The following CR1 variants were observed in gnomAD, a reference collection of about 807,000 sequenced individuals.
CR1 encodes complement receptor type 1.
Under a neutral mutation model 187.3 loss-of-function variants are expected in CR1, and 116 were observed. The ratio of observed to expected loss-of-function variants is 0.62; its 90% CI spans 0.53 to 0.72. The LOEUF is 0.72. Ranked by LOEUF, CR1 falls within the 30% of genes least tolerant of loss-of-function variation. The pLI is 0.00. For missense variants in CR1, 1,731 were observed against 2,110.7 expected (o/e 0.82, Z 3.52); for synonymous variants, 576 against 747.1 (o/e 0.77, Z 3.73).
intron 2 of CR1, among the ~76,000 whole-genome samples, chr1:207,506,366 T>C (rs1207531315): frequency 6.6e-6 from 1 of 152,230 alleles, no homozygotes; most frequent in Non-Finnish European, 1.5e-5. Context: ...AAGTAATGAA[T>C]GACTTGGGAC....
intron 4 of CR1, among the ~76,000 whole-genome samples, chr1:207,523,238 T>C (rs969754044): frequency 2.0e-5 from 3 of 152,226 alleles, no homozygotes; most frequent in African/African-American, 7.2e-5. Flanking sequence ...CAAATGTTTT[T>C]GTATTTTATT....
At chr1:207,597,478 A>G (rs1450005954) in intron 35 of CR1, among the ~76,000 whole-genome samples, 1 of 152,244 alleles carries the variant, frequency 6.6e-6, no homozygotes, top group African/African-American at 2.4e-5. Context: ...CAAATGCCCA[A>G]TAAACACATC....
rs778265753 is a variant in CR1, at chr1:207,496,428, G to T, written c.121+40G>T. The T allele has an allele frequency of 9.6e-6, 15 of 1,565,232 alleles. No individual in the cohort carries two copies. The South Asian group carries it at 1.7e-4, about 18-fold the overall frequency. On this transcript the variant is annotated intron_variant, in intron 1 of 46. Transcript: ENST00000367049. ...GGCGTGGGGAGGCGCCCGGGCGGAC[G>T]AGGAACCCGGGGCCCCGCAGAGAAC...
At chr1:207,589,077 G>A (rs191346421) in intron 35 of CR1, among the ~76,000 whole-genome samples, 384 of 152,180 alleles carry the variant, frequency 2.5e-3, no homozygotes, top group Non-Finnish European at 3.6e-3. Flanking sequence ...TAAGGAAAAG[G>A]AAAAAAGGTA....
At chr1:207,619,050 A>AAAAAAG (rs1662232898) in intron 42 of CR1, among the ~76,000 whole-genome samples, 6 of 139,118 alleles carry the variant, frequency 4.3e-5, no homozygotes, top group African/African-American at 5.2e-5. Context: ...AAAAAAAAAA[A>AAAAAAG]AAAAAGAAAA....
intron 4 of CR1, among the ~76,000 whole-genome samples, chr1:207,513,749 T>TCCCC (rs1398760238): frequency 1.4e-5 from 1 of 69,482 alleles, no homozygotes; most frequent in Non-Finnish European, 2.6e-5. Context: ...CCTCCCTCCC[T>TCCCC]CCCTCCCTCC....
intron 1 of CR1, among the ~76,000 whole-genome samples, chr1:207,498,626 C>A (rs1482023822): frequency 6.6e-6 from 1 of 151,966 alleles, no homozygotes; most frequent in African/African-American, 2.4e-5. Context: ...TGCCCATAAT[C>A]CCAGCACTTT....
Position 207,641,049 on chromosome 1 carries a change from T to C in CR1, c.*1640T>C, listed in dbSNP as rs532350627. ...CAAACTTCTCTCCACCCAACAAAAATGGGCAAAGGACATACAGCTAGGTCA... is the reference window on the plus strand; with the variant it reads ...CAAACTTCTCTCCACCCAACAAAAACGGGCAAAGGACATACAGCTAGGTCA... On this transcript the variant is annotated 3_prime_UTR_variant, in exon 47 of 47. Coordinates refer to ENST00000367049, the MANE Select transcript of CR1 (RefSeq NM_000651.6). The C allele has an allele frequency of 7.9e-5, 12 of 152,210 alleles. No individual in the cohort carries two copies. The highest frequency in any genetic ancestry group is 2.2e-4 in the African/African-American group (9 of 41,552). The allele number at this position is 152,210 out of a possible 1,614,324, so 9.4% of individuals were successfully genotyped here.
rs569216540 is a variant in CR1, at chr1:207,519,143, T to C, written c.488-4468T>C. Among the ~76,000 whole-genome samples the C allele has an allele frequency of 5.3e-5, 8 of 152,226 alleles. 1 individual carries two copies. In the South Asian group the frequency reaches 1.7e-3, roughly 32 times the overall value. On this transcript the variant is annotated intron_variant, in intron 4 of 46. Coordinates refer to ENST00000367049, the MANE Select transcript of CR1 (RefSeq NM_000651.6). ...TTAATACAGCTATATAAGCTTTCTT[T>C]ATTGTTTTTATATTATATGTGTTTT...
At position 207,595,141 on chromosome 1, in the gene CR1, GA is replaced by G. The variant is rs76679590; in HGVS notation, c.5810+6383del. Among the ~76,000 whole-genome samples the G allele has an allele frequency of 9.9e-3, 923 of 92,788 alleles. 4 individuals are homozygous for G. Among genetic ancestry groups the G allele is most frequent in the African/African-American group, 0.026 (704 of 27,198 alleles). The allele number at this position is 92,788 out of a possible 152,430, so 60.9% of individuals were successfully genotyped here. A position where few individuals can be genotyped will look rare whatever the true frequency, so the allele number is the denominator to read the frequency against. ...GATTGGAGCCTGCCCCCAACCCCCGGAAAAAAAAAAAAAAAACACCAAAGGG... is the reference window on the plus strand; with the variant it reads ...GATTGGAGCCTGCCCCCAACCCCCGGAAAAAAAAAAAAAAACACCAAAGGG... On this transcript the variant is annotated intron_variant, in intron 35 of 46. Transcript: ENST00000367049.
chr1:207,617,549 A>G (rs1272679179), intron 41 of CR1, among the ~76,000 whole-genome samples: 3 of 109,374 alleles, frequency 2.7e-5, no homozygotes, highest in African/African-American at 6.6e-5. Flanking sequence ...ATGTGTGTAT[A>G]TATATATGTG....
intron 44 of CR1, among the ~76,000 whole-genome samples, chr1:207,622,594 A>G (rs920974870): frequency 4.6e-5 from 7 of 152,228 alleles, no homozygotes; most frequent in African/African-American, 1.7e-4. Flanking sequence ...CACTTTAACA[A>G]TCAATAAATG....
chr1:207,616,584 G>A lies in CR1; in HGVS notation c.6671G>A (p.Cys2224Tyr). ...SSVPVCEQIF[C>Y]PNPPAILNGR... is the part of the protein sequence containing the mutation. ...CTTGTTTTCTTTCTAGAAATCTTTT[G>A]TCCAAATCCTCCAGCTATCCTTAAT... The change falls in exon 41 of 47, where the codon TGT (cysteine) becomes TAT (tyrosine). Residue 2224 changes from cysteine (C) to tyrosine (Y), a missense_variant. Around this residue, in one of 5 missense-constraint regions of CR1, gnomAD observed 1,312 missense variants for 1,379.6 expected, o/e 0.95. Transcript: ENST00000367049. 6.2e-7 allele frequency: 1 copy of A among 1,613,418 alleles called. No homozygotes were observed. The highest frequency in any genetic ancestry group is 1.1e-5 in the South Asian group (1 of 91,048).
intron 28 of CR1, among the ~76,000 whole-genome samples, chr1:207,576,541 C>T (rs553869259): frequency 9.9e-5 from 15 of 152,278 alleles, no homozygotes; most frequent in Admixed American, 5.9e-4. Context: ...TACTGAGCCA[C>T]GTGTGGTGAC....
rs1659072990 is a variant in CR1 at position 207,496,170 on chromosome 1, G to A, written c.-98G>A. On this transcript the variant is annotated 5_prime_UTR_variant, in exon 1 of 47. Transcript: ENST00000367049. ...GCAGCCCTCCCCACACTCTGGGCGC[G>A]GAGCACAATGATTGGTCACTCCTAT... The A allele has an allele frequency of 3.1e-6, 5 of 1,601,630 alleles. No individual in the cohort carries two copies. The highest frequency in any genetic ancestry group is 4.5e-5 in the East Asian group (2 of 44,624).
chr1:207,628,149 A>G (rs996154826), intron 45 of CR1, among the ~76,000 whole-genome samples: 3 of 152,182 alleles, frequency 2.0e-5, no homozygotes, highest in African/African-American at 7.2e-5. Flanking sequence ...TGCCTTCTCA[A>G]TCCTCAGCTT....
In CR1 at chr1:207,523,904, G is replaced by T; in HGVS notation, c.781G>T (p.Val261Phe). 1 of 1,610,544 alleles carries T rather than the reference G, an allele frequency of 6.2e-7. No homozygotes were observed. The highest frequency in any genetic ancestry group is 1.7e-5 in the Admixed American group (1 of 59,910). The change falls in exon 5 of 47, where the codon GTT (valine) becomes TTT (phenylalanine). Residue 261 changes from valine (V) to phenylalanine (F), a missense_variant. Val to Phe is a conservative substitution (Grantham distance 50). Transcript: ENST00000367049. The stretch of plus-strand genomic sequence containing the variant: ...CAGAAGCTTATTTTCCTTAAATGAA[G>T]TTGTGGAGTTTAGGTGTCAGCCTGG... ...DNRSLFSLNE[V>F]VEFRCQPGFV...
At position 207,524,007 on chromosome 1, in the gene CR1, G is replaced by A. The variant is rs770862116; in HGVS notation, c.884G>A (p.Arg295Lys). Residue 295 changes from arginine to lysine, a missense_variant and splice_region_variant, in exon 5 of 47, where the codon AGG (arginine) becomes AAG (lysine). By Grantham distance (26) the Arg-to-Lys change is conservative. Transcript: ENST00000367049. ...KWEPELPSCS[R>K]VCQPPPDVLH... ...GAGCCGGAGCTACCAAGCTGCTCCA[G>A]GGGTGAGTCTGACTGAGGCCTAGAA... 6.2e-7 allele frequency: 1 copy of A among 1,611,786 alleles called. No homozygotes were observed. Among genetic ancestry groups the A allele is most frequent in the African/African-American group, 1.3e-5 (1 of 74,894 alleles).
At position 207,584,700 on chromosome 1, in the gene CR1, C is replaced by A. The variant is rs777457095; in HGVS notation, c.5354C>A (p.Thr1785Asn). The change falls in exon 33 of 47, where the codon ACT becomes AAT. Residue 1785 changes from threonine (T) to asparagine (N), a missense_variant. By Grantham distance (65) the Thr-to-Asn change is moderately conservative (BLOSUM62 0). This residue lies in a region of CR1 where 1,312 missense variants were observed against 1,379.6 expected (regional missense o/e 0.95). Coordinates refer to ENST00000367049, the MANE Select transcript of CR1 (RefSeq NM_000651.6). ...PAILNGRHTGTPSGDIPYGKE... is the reference protein window; with the variant it reads ...PAILNGRHTGNPSGDIPYGKE... The stretch of plus-strand genomic sequence containing the variant: ...ATCCTTAATGGGAGACACACAGGAA[C>A]TCCCTCTGGAGATATTCCCTATGGA... 4 of 1,613,744 alleles carry A rather than the reference C, an allele frequency of 2.5e-6. No individual in the cohort carries two copies. The highest frequency in any genetic ancestry group is 2.2e-5 in the South Asian group (2 of 91,068).
Sources: gnomAD v4.1 joint callset for allele counts (sites outside exome capture counted in the v4.1 genomes callset) on GRCh38, gnomAD v4.1.1 for gene constraint, gnomAD v4.1.1 regional missense constraint, MANE v1.5 for transcripts, NCBI Gene and HGNC (gene_info 2026-07-23, HGNC 2026-07-21) for gene names.